SNIP1: variants seen among roughly 807,000 people sequenced by gnomAD.
The protein encoded by SNIP1 is Smad nuclear interacting protein 1.
Under a neutral mutation model 37.4 loss-of-function variants are expected in SNIP1, and 23 were observed. The ratio of observed to expected loss-of-function variants is 0.61; its 90% confidence interval spans 0.44 to 0.87. SNIP1 has a LOEUF of 0.87. Among genes scored for constraint, SNIP1 ranks in the 40% least tolerant of loss-of-function variants. The probability of loss-of-function intolerance (pLI) is 0.00; values close to 1 mark genes in which losing one functional copy is unlikely to be tolerated. For synonymous variants in SNIP1, 174 were observed against 200.0 expected (o/e 0.87, Z 1.10); for missense variants, 459 against 540.4 (o/e 0.85, Z 1.49).
At chr1:37,548,546 G>A (rs1364368369) in intron 2 of SNIP1, among the ~76,000 whole-genome samples, 1 of 151,808 alleles carries the variant, frequency 6.6e-6, no homozygotes, top group African/African-American at 2.4e-5. Context: ...CTGACCTCAG[G>A]TGATCCACCC....
chr1:37,550,815 G>A (rs1390786643), intron 2 of SNIP1, among the ~76,000 whole-genome samples: 1 of 151,934 alleles, frequency 6.6e-6, no homozygotes, highest in African/African-American at 2.4e-5. Flanking sequence ...GACGTCCAAG[G>A]CCAGGTGCAG....
In SNIP1 at chr1:37,540,772, T is replaced by C. The variant is rs1427525616; in HGVS notation, c.328-17A>G. On this transcript the variant is annotated splice_polypyrimidine_tract_variant and intron_variant, in intron 2 of 3. Transcript: ENST00000296215. This position sits in a 1 kb window ranked among gnomAD's most constrained non-coding sequence, Gnocchi z 5.6. ...CTCACGCTCCTAAAATTCAAACAGA[T>C]TCTGTAATTTAAACGCAGTGCACAA... is the stretch of plus-strand genomic sequence containing the variant. 3 of 1,565,714 alleles carry C rather than the reference T, an allele frequency of 1.9e-6. No homozygotes were observed. The highest frequency in any genetic ancestry group is 2.3e-5 in the South Asian group (2 of 86,748).
chr1:37,553,271 T>TTGCC (rs993815489), intron 1 of SNIP1, among the ~76,000 whole-genome samples: 31 of 152,342 alleles, frequency 2.0e-4, no homozygotes, highest in African/African-American at 6.0e-4. Flanking sequence ...CTTTAAGAGG[T>TTGCC]TGGATCATTC....
intron 2 of SNIP1, among the ~76,000 whole-genome samples, chr1:37,545,735 A>G (rs1435234313): frequency 6.6e-6 from 1 of 152,070 alleles, no homozygotes; most frequent in African/African-American, 2.4e-5. Context: ...AGGCGGGTGG[A>G]TCACTTGCGT....
intron 1 of SNIP1, 84 bp downstream of exon 1, chr1:37,553,922 C>G: frequency 7.0e-7 from 1 of 1,426,286 alleles, no homozygotes; most frequent in Non-Finnish European, 9.6e-7. Context: ...GCCCACCATT[C>G]AAAACCTGTT....
chr1:37,546,404 T>G (rs1294892293), intron 2 of SNIP1, among the ~76,000 whole-genome samples: 1 of 152,184 alleles, frequency 6.6e-6, no homozygotes, highest in Non-Finnish European at 1.5e-5. Flanking sequence ...CCGGGTGTGG[T>G]GGCTTATGTC....
At chr1:37,552,981 T>C (rs1643318573) in intron 1 of SNIP1, among the ~76,000 whole-genome samples, 1 of 152,166 alleles carries the variant, frequency 6.6e-6, no homozygotes, top group South Asian at 2.1e-4. Flanking sequence ...TAACTCTTAA[T>C]TCCCAACCCT....
Position 37,551,022 on chromosome 1 carries a change from G to T in SNIP1, c.327+1623C>A, listed in dbSNP as rs908634958. 3.3e-5 allele frequency among the ~76,000 whole-genome samples: 5 copies of T among 150,768 alleles called. No homozygotes were observed. In the South Asian group the frequency reaches 8.3e-4, roughly 25 times the overall value. The stretch of plus-strand genomic sequence containing the variant: ...AGGCAGGAGAATCACTTGAACCTGG[G>T]AAGGGGAGATTGCAGTGAGCCAAGA... On this transcript the variant is annotated intron_variant, in intron 2 of 3. Transcript: ENST00000296215.
At chr1:37,545,107 CA>C (rs1643217462) in intron 2 of SNIP1, 2 of 743,354 alleles carry the variant, frequency 2.7e-6, no homozygotes, top group Non-Finnish European at 5.0e-6. Context: ...TGGAACTGCA[CA>C]AACTGGCCAC....
chr1:37,552,195 T>G (rs1570030546), intron 2 of SNIP1, among the ~76,000 whole-genome samples: 1 of 152,170 alleles, frequency 6.6e-6, no homozygotes, highest in East Asian at 1.9e-4. Context: ...GAAGAACAGA[T>G]TAGAAGTTGA....
intron 2 of SNIP1, 95 bp downstream of exon 2, chr1:37,552,550 G>T: frequency 9.6e-7 from 1 of 1,038,140 alleles, no homozygotes; most frequent in Non-Finnish European, 1.5e-6. Context: ...ACGTGCACAT[G>T]TGTGCACACA....
intron 3 of SNIP1, among the ~76,000 whole-genome samples, chr1:37,539,635 G>A (rs1223075425): frequency 1.3e-5 from 2 of 152,146 alleles, no homozygotes; most frequent in African/African-American, 2.4e-5. Context: ...ACTTGAACCC[G>A]GGATGCAGAG....
intron 1 of SNIP1, 41 bp from the exon 2 acceptor site, chr1:37,552,788 C>A: frequency 6.5e-7 from 1 of 1,540,656 alleles, no homozygotes; most frequent in South Asian, 1.1e-5. Flanking sequence ...CGCAATTTCC[C>A]TTCCCCCATA....
At chr1:37,550,225 G>T (rs1643285637) in intron 2 of SNIP1, among the ~76,000 whole-genome samples, 1 of 152,150 alleles carries the variant, frequency 6.6e-6, no homozygotes, top group Non-Finnish European at 1.5e-5. Flanking sequence ...AGGAAAAACA[G>T]ATAAGCTGGA....
intron 3 of SNIP1, among the ~76,000 whole-genome samples, chr1:37,538,442 G>C (rs1449730271): frequency 6.8e-6 from 1 of 147,656 alleles, no homozygotes; most frequent in Non-Finnish European, 1.5e-5. Context: ...CCAGGAGGCA[G>C]AGGTTGCAGT....
At chr1:37,545,605 T>A (rs149772601) in intron 2 of SNIP1, among the ~76,000 whole-genome samples, 2,194 of 151,376 alleles carry the variant, frequency 0.014, 23 homozygotes, top group Non-Finnish European at 0.022. Flanking sequence ...AGGGAGAAAA[T>A]TAGAATGACA....
Position 37,537,693 on chromosome 1 carries a change from A to G in SNIP1, c.*55T>C, listed in dbSNP as rs772823656. Reference sequence around the variant, plus strand: ...CCACCACCATAGTGCTCTCTGAGTCAATCAAAGACTTCCAAGAAGGAAACC... The same window carrying G: ...CCACCACCATAGTGCTCTCTGAGTCGATCAAAGACTTCCAAGAAGGAAACC... On this transcript the variant is annotated 3_prime_UTR_variant, in exon 4 of 4. Transcript: ENST00000296215. 6.4e-7 allele frequency: 1 copy of G among 1,571,358 alleles called. No individual in the cohort carries two copies. Among genetic ancestry groups the G allele is most frequent in the Non-Finnish European group, 8.6e-7 (1 of 1,157,786 alleles).
Position 37,540,871 on chromosome 1 carries a change from T to C in SNIP1, c.328-116A>G, listed in dbSNP as rs1643166932. 2 of 958,898 alleles carry C rather than the reference T, an allele frequency of 2.1e-6. No homozygotes were observed. Among genetic ancestry groups the C allele is most frequent in the Non-Finnish European group, 3.1e-6 (2 of 651,832 alleles). The allele number at this position is 958,898 out of a possible 1,614,324, so 59.4% of individuals were successfully genotyped here. Reference sequence around the variant, plus strand: ...AAGTCTTGTAATTTGGACTTTGGCATTTAGAACAACATTTCCCACAGAAAT... The same window carrying C: ...AAGTCTTGTAATTTGGACTTTGGCACTTAGAACAACATTTCCCACAGAAAT... On this transcript the variant is annotated intron_variant, in intron 2 of 3. Coordinates refer to ENST00000296215, the MANE Select transcript of SNIP1 (RefSeq NM_024700.4). The surrounding 1 kb of genome is among the most constrained non-coding windows in gnomAD (Gnocchi z 5.6).
Position 37,540,225 on chromosome 1 carries a change from G to C in SNIP1, c.858C>G (p.His286Gln), listed in dbSNP as rs1285952517. Reference sequence around the variant, plus strand: ...CAATTGGAATGTCTGCAATGCGGCGGTGTCGACCCAGTAGGTACGCACTCT... The same window carrying C: ...CAATTGGAATGTCTGCAATGCGGCGCTGTCGACCCAGTAGGTACGCACTCT... Reference protein sequence around the residue: ...HRQSAYLLGRHRRIADIPIDH... With the variant: ...HRQSAYLLGRQRRIADIPIDH... Residue 286 changes from histidine to glutamine, a missense_variant, in exon 3 of 4, where the codon CAC becomes CAG. Coordinates refer to ENST00000296215, the MANE Select transcript of SNIP1 (RefSeq NM_024700.4). This position sits in a 1 kb window ranked among gnomAD's most constrained non-coding sequence, Gnocchi z 5.6. The C allele has an allele frequency of 1.2e-6, 2 of 1,611,630 alleles. No individual in the cohort carries two copies. The highest frequency in any genetic ancestry group is 1.7e-6 in the Non-Finnish European group (2 of 1,177,956).
Sources: allele counts gnomAD v4.1 joint callset (sites outside exome capture counted in the v4.1 genomes callset), GRCh38; gene constraint gnomAD v4.1.1; non-coding constraint Gnocchi (gnomAD v3.1); transcripts MANE v1.5; gene names NCBI Gene and HGNC (gene_info 2026-07-23, HGNC 2026-07-21).